Variants in NEDD4 observed in about 807,000 individuals in gnomAD.
NEDD4 encodes the protein E3 ubiquitin-protein ligase NEDD4.
Under a neutral mutation model 144.9 loss-of-function variants are expected in NEDD4, and 99 were observed. The ratio of observed to expected loss-of-function variants is 0.68; its 90% CI spans 0.58 to 0.81. The LOEUF (loss-of-function observed/expected upper bound fraction) is 0.81, where lower values mean the gene tolerates loss of function less well. Among genes scored for constraint, NEDD4 ranks in the 30% least tolerant of loss-of-function variants. The pLI, the probability that NEDD4 is intolerant of heterozygous loss-of-function variation, is 0.00. For missense variants in NEDD4, 985 were observed against 1,065.9 expected (o/e 0.92, Z 1.06); for synonymous variants, 318 against 350.6 (o/e 0.91, Z 1.04).
chr15:55,990,828 T>G (rs760654682), intron 1 of NEDD4, among the ~76,000 whole-genome samples: 1 of 152,238 alleles, frequency 6.6e-6, no homozygotes, highest in Non-Finnish European at 1.5e-5. Context: ...TATTCTCTAC[T>G]GTGAATCTCA....
chr15:55,923,686 A>G (rs2036612367), intron 5 of NEDD4, among the ~76,000 whole-genome samples: 1 of 150,548 alleles, frequency 6.6e-6, no homozygotes, highest in Non-Finnish European at 1.5e-5. Flanking sequence ...CAAGTCAGTG[A>G]TAGTCTTCTT....
chr15:55,870,529 CTT>C (rs58174546), intron 7 of NEDD4, among the ~76,000 whole-genome samples: 6,204 of 117,214 alleles, frequency 0.053, 105 homozygotes, highest in African/African-American at 0.08. Context: ...TCTTCTTCTT[CTT>C]TTTTTTTTTT....
intron 5 of NEDD4, among the ~76,000 whole-genome samples, chr15:55,903,718 G>C (rs961052451): frequency 7.3e-5 from 11 of 151,230 alleles, no homozygotes; most frequent in Non-Finnish European, 1.5e-4. Context: ...CCAGCTACTC[G>C]GGAGGCTGAG....
At chr15:55,945,887 A>C (rs1443713656) in intron 4 of NEDD4, among the ~76,000 whole-genome samples, 3 of 152,228 alleles carry the variant, frequency 2.0e-5, no homozygotes, top group Admixed American at 6.5e-5. Flanking sequence ...TTTTGAATGC[A>C]GAATTTCATA....
At chr15:55,958,307 G>A (rs113397068) in intron 2 of NEDD4, among the ~76,000 whole-genome samples, 1 of 152,208 alleles carries the variant, frequency 6.6e-6, no homozygotes, top group Non-Finnish European at 1.5e-5. Context: ...CTACTTTACT[G>A]TATTAATACA....
At chr15:55,870,526 CTTCT>C (rs1457903637) in intron 7 of NEDD4, among the ~76,000 whole-genome samples, 50 of 97,010 alleles carry the variant, frequency 5.2e-4, no homozygotes, top group African/African-American at 1.5e-3. Context: ...TCTTCTTCTT[CTTCT>C]TTTTTTTTTT....
intron 11 of NEDD4, 98 bp from the exon 12 acceptor site, chr15:55,856,294 G>C (rs1464494969): frequency 1.2e-5 from 12 of 1,029,418 alleles, no homozygotes; most frequent in Non-Finnish European, 1.7e-5. Flanking sequence ...CAGGGCAGAA[G>C]AGAGAAGGCT....
At chr15:55,900,115 T>C (rs2035867321) in intron 5 of NEDD4, among the ~76,000 whole-genome samples, 2 of 151,662 alleles carry the variant, frequency 1.3e-5, no homozygotes, top group Non-Finnish European at 1.5e-5. Context: ...TAAGAAAAGG[T>C]TGAGATAAGC....
chr15:55,939,241 C>T (rs1297695215), intron 4 of NEDD4, among the ~76,000 whole-genome samples: 3 of 152,174 alleles, frequency 2.0e-5, no homozygotes, highest in Admixed American at 2.0e-4. Flanking sequence ...GTGATTGGAT[C>T]ACGGGGGCAG....
chr15:55,948,402 C>T (rs1939210969), intron 4 of NEDD4, among the ~76,000 whole-genome samples: 1 of 152,128 alleles, frequency 6.6e-6, no homozygotes, highest in South Asian at 2.1e-4. Flanking sequence ...AGATTTAATG[C>T]CATCTCCATC....
chr15:55,961,571 T>TA (rs1195258750), intron 2 of NEDD4, among the ~76,000 whole-genome samples: 5 of 151,962 alleles, frequency 3.3e-5, no homozygotes, highest in Admixed American at 3.3e-4. Flanking sequence ...CCCGGGTTCA[T>TA]ATCATTCTCC....
At chr15:55,940,518 T>TTCTCTCTCTCTGTCTCTCTCTCTCTCTC (rs2036979383) in intron 4 of NEDD4, among the ~76,000 whole-genome samples, 1 of 106,192 alleles carries the variant, frequency 9.4e-6, no homozygotes, top group Admixed American at 9.6e-5. Context: ...CTCCTCCCCC[T>TTCTCTCTCTCTGTCTCTCTCTCTCTCTC]TCTCTCTCTC....
chr15:55,832,795 G>A (rs555273091), intron 27 of NEDD4, among the ~76,000 whole-genome samples: 1 of 152,116 alleles, frequency 6.6e-6, no homozygotes, highest in Non-Finnish European at 1.5e-5. Context: ...CAAGTCATTT[G>A]ATGTTTCCAG....
rs1311732711 is a variant in NEDD4, at chr15:55,850,723, T to C, written c.1166A>G (p.Gln389Arg). ...TGCAGAACTCTGGCTTGAGGTCAGC[T>C]GACTGGTCTCCACTGTGGCCTAGCA... ...PTVQATVETS[Q>R]LTSSQSSAGP... The change falls in exon 14 of 29, where the codon CAG becomes CGG. Residue 389 changes from glutamine (Q) to arginine (R), a missense_variant. Gln to Arg is a conservative substitution (Grantham distance 43). Transcript: ENST00000435532. 6.2e-7 allele frequency: 1 copy of C among 1,613,674 alleles called. No homozygotes were observed. The highest frequency in any genetic ancestry group is 8.5e-7 in the Non-Finnish European group (1 of 1,180,030).
chr15:55,932,370 C>G (rs1041425199), intron 4 of NEDD4, among the ~76,000 whole-genome samples: 7 of 152,166 alleles, frequency 4.6e-5, no homozygotes, highest in African/African-American at 1.4e-4. Context: ...TACCACACAT[C>G]TACAACCATG....
At chr15:55,953,237 G>A (rs1029765439) in intron 2 of NEDD4, among the ~76,000 whole-genome samples, 2 of 151,906 alleles carry the variant, frequency 1.3e-5, no homozygotes, top group African/African-American at 2.4e-5. Context: ...TGATCCGCCC[G>A]CCTTGGCTCC....
chr15:55,990,243 C>A (rs1335921045), intron 1 of NEDD4, among the ~76,000 whole-genome samples: 1 of 151,996 alleles, frequency 6.6e-6, no homozygotes, highest in Non-Finnish European at 1.5e-5. Flanking sequence ...ATCCTGAAAC[C>A]ACTGGACCGC....
rs1233124398 is a variant in NEDD4 at position 55,827,152 on chromosome 15, C to G, written c.*2745G>C. 6.6e-6 allele frequency: 1 copy of G among 152,080 alleles called. No homozygotes were observed. The highest frequency in any genetic ancestry group is 1.5e-5 in the Non-Finnish European group (1 of 68,022). The allele number at this position is 152,080 out of a possible 1,614,324, so 9.4% of individuals were successfully genotyped here. ...TATAAATAAAAACCCAAAACAAACA[C>G]CATTTAAATTTGAGTTCTGATGAAA... On this transcript the variant is annotated 3_prime_UTR_variant, in exon 29 of 29. Coordinates refer to ENST00000435532, the MANE Select transcript of NEDD4 (RefSeq NM_006154.4).
chr15:55,939,735 C>A (rs1244017640), intron 4 of NEDD4, among the ~76,000 whole-genome samples: 1 of 152,134 alleles, frequency 6.6e-6, no homozygotes, highest in Admixed American at 6.5e-5. Flanking sequence ...AATCCCTGCA[C>A]ATGTTGGTAG....
Sources: gnomAD v4.1 joint callset for allele counts (sites outside exome capture counted in the v4.1 genomes callset) on GRCh38, gnomAD v4.1.1 for gene constraint, MANE v1.5 for transcripts, NCBI Gene and HGNC (gene_info 2026-07-23, HGNC 2026-07-21) for gene names.